The following GSK3B variants were observed in gnomAD, a reference collection of about 807,000 sequenced individuals.
The protein encoded by GSK3B is glycogen synthase kinase 3 beta.
A neutral mutation model predicts 56.4 loss-of-function variants in GSK3B; 15 were observed. The ratio of observed to expected loss-of-function variants is 0.27; its 90% confidence interval spans 0.18 to 0.41. The LOEUF (loss-of-function observed/expected upper bound fraction) is 0.41, where lower values mean the gene tolerates loss of function less well. GSK3B is among the 10% of genes least tolerant of loss of function. The pLI, the probability that GSK3B is intolerant of heterozygous loss-of-function variation, is 1.00. For synonymous variants in GSK3B, 181 were observed against 188.9 expected, an observed-to-expected ratio of 0.96 and a Z score of 0.34; for missense variants, 300 against 513.4, an observed-to-expected ratio of 0.58 and a Z score of 4.02.
intron 3 of GSK3B, among the ~76,000 whole-genome samples, chr3:119,937,629 G>C (rs1020841682): frequency 6.6e-6 from 1 of 151,970 alleles, no homozygotes; most frequent in Non-Finnish European, 1.5e-5. Flanking sequence ...AGCAAAGACA[G>C]TGCTCAGAAG....
In GSK3B at chr3:119,894,207, G is replaced by T. The variant is rs113431150; in HGVS notation, c.813+11548C>A. On this transcript the variant is annotated intron_variant, in intron 7 of 10. Transcript: ENST00000264235. ...AGAAATTTTATTTGTTCCTTTTTTG[G>T]CTATATAACATTGCTATAAACTTTG... Among the ~76,000 whole-genome samples, 1,103 of 151,908 alleles carry T rather than the reference G, an allele frequency of 7.3e-3. 15 individuals carry two copies. Among genetic ancestry groups the T allele is most frequent in the African/African-American group, 0.025 (1,018 of 41,456 alleles).
chr3:120,060,885 A>C (rs2058230500), intron 1 of GSK3B, among the ~76,000 whole-genome samples: 1 of 152,242 alleles, frequency 6.6e-6, no homozygotes, highest in Non-Finnish European at 1.5e-5. Flanking sequence ...CAAGTCAGTC[A>C]GTCAATCTGT....
chr3:119,856,143 T>C (rs1417764038), intron 9 of GSK3B, among the ~76,000 whole-genome samples: 1 of 152,236 alleles, frequency 6.6e-6, no homozygotes, highest in African/African-American at 2.4e-5. Flanking sequence ...ATTTTGAAGA[T>C]GCATATGTCC....
chr3:120,074,622 A>C (rs1447178160), intron 1 of GSK3B, among the ~76,000 whole-genome samples: 1 of 152,164 alleles, frequency 6.6e-6, no homozygotes, highest in African/African-American at 2.4e-5. Context: ...AGCGCTGAGA[A>C]ACTGTTACGA....
At chr3:119,915,591 A>G (rs1431239271) in intron 5 of GSK3B, among the ~76,000 whole-genome samples, 2 of 152,132 alleles carry the variant, frequency 1.3e-5, no homozygotes, top group East Asian at 3.8e-4. Flanking sequence ...TTTTTAAAAC[A>G]TAAAAGGTGG....
intron 8 of GSK3B, among the ~76,000 whole-genome samples, chr3:119,864,007 G>A (rs1467284337): frequency 1.3e-5 from 2 of 152,170 alleles, no homozygotes; most frequent in Non-Finnish European, 2.9e-5. Flanking sequence ...AATTGTTAAT[G>A]ATGAGCAGCA....
chr3:119,912,009 G>T (rs1391931578), intron 6 of GSK3B, among the ~76,000 whole-genome samples: 1 of 152,044 alleles, frequency 6.6e-6, no homozygotes, highest in African/African-American at 2.4e-5. Flanking sequence ...TTTCCTTTCT[G>T]GTCACAACTT....
intron 1 of GSK3B, among the ~76,000 whole-genome samples, chr3:120,012,458 G>A (rs977502639): frequency 6.6e-6 from 1 of 152,178 alleles, no homozygotes; most frequent in African/African-American, 2.4e-5. Flanking sequence ...CAACAGCACA[G>A]CAGCAGGAAC....
intron 2 of GSK3B, among the ~76,000 whole-genome samples, chr3:120,001,479 A>G (rs528310921): frequency 2.0e-5 from 3 of 152,280 alleles, no homozygotes; most frequent in African/African-American, 7.2e-5. Flanking sequence ...TCTGCCCATG[A>G]TTAGAAGTTT....
At chr3:120,073,068 T>C (rs1427098941) in intron 1 of GSK3B, among the ~76,000 whole-genome samples, 2 of 152,042 alleles carry the variant, frequency 1.3e-5, no homozygotes, top group Non-Finnish European at 2.9e-5. Flanking sequence ...GTTACTTAAC[T>C]TCTCTAAGAT....
intron 1 of GSK3B, among the ~76,000 whole-genome samples, chr3:120,022,499 T>C (rs551405742): frequency 1.3e-5 from 2 of 152,356 alleles, no homozygotes; most frequent in African/African-American, 4.8e-5. Context: ...TATTGGTTTT[T>C]GTATTTGCCT....
intron 2 of GSK3B, among the ~76,000 whole-genome samples, chr3:119,961,639 A>T (rs1405079272): frequency 7.3e-5 from 11 of 151,476 alleles, no homozygotes; most frequent in Non-Finnish European, 1.5e-4. Context: ...AAACAAAAAA[A>T]AAAAAAAAAA....
chr3:119,849,944 T>C (rs545444598), intron 9 of GSK3B, among the ~76,000 whole-genome samples: 12 of 152,216 alleles, frequency 7.9e-5, no homozygotes, highest in Non-Finnish European at 1.5e-4. Flanking sequence ...GCCTCTCATA[T>C]ACTTTAAATC....
Position 120,093,735 on chromosome 3 carries a change from T to A in GSK3B, c.-301A>T, listed in dbSNP as rs895205529. On this transcript the variant is annotated 5_prime_UTR_variant, in exon 1 of 11. Transcript: ENST00000264235. ...GGGAGGAGAGAAAAGAGAGGGCAAA[T>A]CCTAAAAAAATATGTATCACGTGAA... The A allele has an allele frequency of 1.3e-5, 4 of 313,218 alleles. No homozygotes were observed. The highest frequency in any genetic ancestry group is 8.4e-5 in the African/African-American group (4 of 47,484). The allele number at this position is 313,218 out of a possible 1,614,324, so 19.4% of individuals were successfully genotyped here.
intron 1 of GSK3B, among the ~76,000 whole-genome samples, chr3:120,052,540 T>A (rs1330474106): frequency 6.6e-6 from 1 of 152,198 alleles, no homozygotes; most frequent in Admixed American, 6.5e-5. Flanking sequence ...TTCTAGGTTA[T>A]TTTTTACCTC....
chr3:120,040,883 A>ACTC (rs1287132811), intron 1 of GSK3B, among the ~76,000 whole-genome samples: 1 of 149,262 alleles, frequency 6.7e-6, no homozygotes, highest in Non-Finnish European at 1.5e-5. Flanking sequence ...TACTCATGTT[A>ACTC]CTCCTCCTCC....
intron 2 of GSK3B, among the ~76,000 whole-genome samples, chr3:119,991,890 CA>C (rs1559867162): frequency 6.6e-6 from 1 of 151,886 alleles, no homozygotes; most frequent in African/African-American, 2.4e-5. Flanking sequence ...ACAATAGCAA[CA>C]AAAACAATAA....
In GSK3B at chr3:120,094,044, G is replaced by A. The variant is rs2276708; in HGVS notation, c.-610C>T. ...GTCGCGAGTCAGTCAGAGGCGGGCG[G>A]TGGCGGTGGCGGCGGCTCCTCTCCT... On this transcript the variant is annotated 5_prime_UTR_variant, in exon 1 of 11. Coordinates refer to ENST00000264235, the MANE Select transcript of GSK3B (RefSeq NM_001146156.2). The A allele has an allele frequency of 1.6e-3, 369 of 226,668 alleles. 3 individuals carry two copies. In the East Asian group the frequency reaches 0.018, roughly 11 times the overall value. 14.0% of individuals were successfully genotyped at this position (226,668 alleles called of 1,614,324 possible).
chr3:120,000,821 CA>C (rs57916840), intron 2 of GSK3B, among the ~76,000 whole-genome samples: 867 of 67,234 alleles, frequency 0.013, 5 homozygotes, highest in Middle Eastern at 0.033. Flanking sequence ...GGGAAGATAG[CA>C]AAAAAAAAAA....
Sources: allele counts gnomAD v4.1 joint callset (sites outside exome capture counted in the v4.1 genomes callset), GRCh38; gene constraint gnomAD v4.1.1; transcripts MANE v1.5; gene names NCBI Gene and HGNC (gene_info 2026-07-23, HGNC 2026-07-21).